The following KIF26B variants were observed in gnomAD, a reference collection of about 807,000 sequenced individuals.
KIF26B encodes the protein kinesin family member 26B.
In KIF26B, 63 loss-of-function variants were observed where a neutral mutation model predicts 151.2. That is an observed-to-expected ratio of 0.42 (90% CI 0.34 to 0.51). The LOEUF (loss-of-function observed/expected upper bound fraction) is 0.51, where lower values mean the gene tolerates loss of function less well. Ranked by LOEUF, KIF26B falls within the 20% of genes least tolerant of loss-of-function variation. The pLI, the probability that KIF26B is intolerant of heterozygous loss-of-function variation, is 0.07. For missense variants in KIF26B, 2,813 were observed against 2,913.6 expected (o/e 0.97, Z 0.79); for synonymous variants, 1,357 against 1,262.1 (o/e 1.08, Z -1.59).
At chr1:245,626,194 G>A (rs1387955430) in intron 9 of KIF26B, among the ~76,000 whole-genome samples, 2 of 152,118 alleles carry the variant, frequency 1.3e-5, no homozygotes, top group Non-Finnish European at 2.9e-5. Context: ...TAAATATAGG[G>A]GTACAGGTAT....
chr1:245,683,377 A>G (rs1363853128), intron 10 of KIF26B, among the ~76,000 whole-genome samples: 1 of 152,194 alleles, frequency 6.6e-6, no homozygotes, highest in Non-Finnish European at 1.5e-5. Context: ...AGTTGAGAGT[A>G]TGAGTGCTGT....
intron 4 of KIF26B, among the ~76,000 whole-genome samples, chr1:245,439,077 G>C (rs1055976869): frequency 6.6e-6 from 1 of 152,182 alleles, no homozygotes; most frequent in African/African-American, 2.4e-5. Flanking sequence ...GCCAGGCATG[G>C]TGGCTCACAC....
intron 10 of KIF26B, among the ~76,000 whole-genome samples, chr1:245,676,858 G>A (rs1277380623): frequency 2.6e-5 from 4 of 152,042 alleles, no homozygotes; most frequent in Non-Finnish European, 5.9e-5. Context: ...ACCAAGAATC[G>A]CAGGCCCCAC....
intron 10 of KIF26B, among the ~76,000 whole-genome samples, chr1:245,671,644 A>G (rs1029700985): frequency 6.6e-6 from 1 of 152,248 alleles, no homozygotes; most frequent in Non-Finnish European, 1.5e-5. Flanking sequence ...ATATTTCACC[A>G]CAATAAAAAT....
intron 2 of KIF26B, among the ~76,000 whole-genome samples, chr1:245,331,019 C>A (rs909081514): frequency 6.6e-6 from 1 of 151,944 alleles, no homozygotes; most frequent in Admixed American, 6.5e-5. Context: ...AATGCACACA[C>A]GGTGAGCAGA....
chr1:245,605,847 C>G (rs898436555), intron 6 of KIF26B, among the ~76,000 whole-genome samples: 4 of 152,186 alleles, frequency 2.6e-5, no homozygotes, highest in African/African-American at 9.6e-5. Context: ...CAGCAGGTCT[C>G]CTCTCGCCCC....
At chr1:245,317,991 C>A (rs1223343134) in intron 2 of KIF26B, among the ~76,000 whole-genome samples, 1 of 152,210 alleles carries the variant, frequency 6.6e-6, no homozygotes, top group African/African-American at 2.4e-5. Context: ...ATGTCTCTAA[C>A]ACTACAGGTT....
chr1:245,701,140 C>CA (rs1425254629), intron 14 of KIF26B, among the ~76,000 whole-genome samples: 2 of 152,022 alleles, frequency 1.3e-5, no homozygotes, highest in Admixed American at 1.3e-4. Context: ...TTGTACATGT[C>CA]AAAAATCACT....
chr1:245,342,987 G>A (rs754481858), intron 2 of KIF26B, among the ~76,000 whole-genome samples: 3 of 151,428 alleles, frequency 2.0e-5, no homozygotes, highest in Non-Finnish European at 2.9e-5. Flanking sequence ...TTGGGAGGCT[G>A]AGGCAGGAGA....
At chr1:245,341,570 C>G (rs145965952) in intron 2 of KIF26B, among the ~76,000 whole-genome samples, 2,079 of 152,232 alleles carry the variant, frequency 0.014, 35 homozygotes, top group African/African-American at 0.045. Flanking sequence ...GATCCTCCCC[C>G]CTTGGCGTCC....
chr1:245,539,654 T>C (rs572382331), intron 4 of KIF26B, among the ~76,000 whole-genome samples: 6 of 152,272 alleles, frequency 3.9e-5, no homozygotes, highest in African/African-American at 1.4e-4. Context: ...ATCATGGATT[T>C]GTTTTGTTTT....
Position 245,687,149 on chromosome 1 carries a change from C to T in KIF26B, c.4166C>T (p.Thr1389Ile). 2 of 1,613,240 alleles carry T rather than the reference C, an allele frequency of 1.2e-6. No homozygotes were observed. The highest frequency in any genetic ancestry group is 1.7e-6 in the Non-Finnish European group (2 of 1,179,802). Residue 1389 changes from threonine to isoleucine, a missense_variant, in exon 12 of 15, where the codon ACC becomes ATC. Thr to Ile is a moderately conservative substitution (Grantham distance 89). Transcript: ENST00000407071. This position sits in a 1 kb window ranked among gnomAD's most constrained non-coding sequence, Gnocchi z 4.9. ...SSCEGYIPMK[T>I]NITVYPCIAM... ...TGCGAGGGGTACATCCCCATGAAGA[C>T]CAATATCACAGTTTACCCCTGCATT...
In KIF26B at chr1:245,318,184, G is replaced by A. The variant is rs1386484962; in HGVS notation, c.466-48650G>A. ...TAAGTATATTAGGTTTTAATTCTGG[G>A]TCAAATCAGCAAATGTTTATTAAGT... On this transcript the variant is annotated intron_variant, in intron 2 of 14. Transcript: ENST00000407071. The surrounding 1 kb of genome is among the most constrained non-coding windows in gnomAD (Gnocchi z 4.0). Among the ~76,000 whole-genome samples, 2 of 152,146 alleles carry A rather than the reference G, an allele frequency of 1.3e-5. No homozygotes were observed.
At chr1:245,466,828 C>A (rs1093927) in intron 4 of KIF26B, among the ~76,000 whole-genome samples, 124,045 of 152,138 alleles carry the variant, frequency 0.82, 50,810 homozygotes, top group African/African-American at 0.88. Flanking sequence ...TGGGAGGCTG[C>A]GGCACGAGAA....
intron 2 of KIF26B, among the ~76,000 whole-genome samples, chr1:245,242,288 A>T (rs1264408301): frequency 2.0e-5 from 3 of 152,154 alleles, no homozygotes; most frequent in African/African-American, 7.2e-5. Flanking sequence ...ATCAGATCTT[A>T]CTGCTATGCC....
intron 2 of KIF26B, among the ~76,000 whole-genome samples, chr1:245,310,475 A>G (rs562863051): frequency 1.4e-4 from 22 of 152,316 alleles, no homozygotes; most frequent in Middle Eastern, 3.4e-3. Flanking sequence ...ACAATATTCT[A>G]AGGGGACTGA....
intron 5 of KIF26B, among the ~76,000 whole-genome samples, chr1:245,549,119 G>A (rs1281203320): frequency 1.3e-5 from 2 of 152,182 alleles, no homozygotes; most frequent in African/African-American, 4.8e-5. Context: ...TTGTGTATGT[G>A]TGTGCACGTG....
chr1:245,264,563 T>C (rs1464214202), intron 2 of KIF26B, among the ~76,000 whole-genome samples: 1 of 151,758 alleles, frequency 6.6e-6, no homozygotes, highest in Non-Finnish European at 1.5e-5. Flanking sequence ...CAACTTGTTC[T>C]AGATTATTGT....
At chr1:245,678,834 GC>G (rs1361798022) in intron 10 of KIF26B, among the ~76,000 whole-genome samples, 5 of 151,506 alleles carry the variant, frequency 3.3e-5, no homozygotes, top group East Asian at 1.9e-4. Flanking sequence ...CTGCACTCCA[GC>G]CCGGGTGACA....
Sources: gnomAD v4.1 joint callset for allele counts (sites outside exome capture counted in the v4.1 genomes callset) on GRCh38, gnomAD v4.1.1 for gene constraint, Gnocchi (gnomAD v3.1) non-coding constraint, MANE v1.5 for transcripts, NCBI Gene and HGNC (gene_info 2026-07-23, HGNC 2026-07-21) for gene names.